Variants in FAXDC2 observed in about 807,000 individuals in gnomAD.
The protein encoded by FAXDC2 is fatty acid hydroxylase domain containing 2.
A neutral mutation model predicts 40.9 loss-of-function variants in FAXDC2; 41 were observed. The observed-to-expected ratio is 1.00, with a 90% CI of 0.78 to 1.30. FAXDC2 has a LOEUF of 1.30. Ranked by LOEUF, FAXDC2 falls within the 50% of genes most tolerant of loss-of-function variation. The pLI is 0.00. For missense variants in FAXDC2, 390 were observed against 408.8 expected (o/e 0.95, Z 0.40); for synonymous variants, 157 against 149.3 (o/e 1.05, Z -0.38).
chr5:154,845,484 G>A (rs1760576663), intron 1 of FAXDC2, among the ~76,000 whole-genome samples: 1 of 151,956 alleles, frequency 6.6e-6, no homozygotes, highest in Admixed American at 6.6e-5. Context: ...ACTGGGCATG[G>A]TGTCTCATGC....
chr5:154,823,722 G>A, intron 5 of FAXDC2, 130 bp from the exon 6 acceptor site: 2 of 707,982 alleles, frequency 2.8e-6, no homozygotes, highest in Non-Finnish European at 4.8e-6. Flanking sequence ...AGTAGCTCCT[G>A]ACTGCCACCC....
At chr5:154,832,216 GTT>G (rs1554093847) in intron 4 of FAXDC2, among the ~76,000 whole-genome samples, 1 of 134,928 alleles carries the variant, frequency 7.4e-6, no homozygotes. Context: ...ATTTACTTTT[GTT>G]TTTTTTTTTT....
At chr5:154,835,188 A>G in intron 2 of FAXDC2, 1 of 412,050 alleles carries the variant, frequency 2.4e-6, no homozygotes. Flanking sequence ...GCCTGACTCC[A>G]GAGAAACTAG....
chr5:154,839,339 A>G (rs966612777), intron 1 of FAXDC2, among the ~76,000 whole-genome samples: 2 of 151,622 alleles, frequency 1.3e-5, no homozygotes, highest in Non-Finnish European at 2.9e-5. Context: ...AAAAAAAAAA[A>G]AAAGAAAAGA....
rs1360402370 is a variant in FAXDC2 at position 154,819,078 on chromosome 5, C to T, written c.*1238G>A. The T allele has an allele frequency of 6.6e-6, 1 of 152,142 alleles. No homozygotes were observed. Among genetic ancestry groups the T allele is most frequent in the Non-Finnish European group, 1.5e-5 (1 of 68,050 alleles). The allele number at this position is 152,142 out of a possible 1,614,324, so 9.4% of individuals were successfully genotyped here. A position where few individuals can be genotyped will look rare whatever the true frequency, so the allele number is the denominator to read the frequency against. On this transcript the variant is annotated 3_prime_UTR_variant, in exon 9 of 9. Coordinates refer to ENST00000326080, the MANE Select transcript of FAXDC2 (RefSeq NM_032385.5). ...TGATAGTCCTGCCTGGAGACTTGGA[C>T]CTAGCTGATACTAAGGTATTTTATA... is the stretch of plus-strand genomic sequence containing the variant.
At chr5:154,824,513 C>T (rs1486169171) in intron 5 of FAXDC2, 1 of 702,608 alleles carries the variant, frequency 1.4e-6, no homozygotes, top group Admixed American at 2.0e-5. Flanking sequence ...TCAGAATTCA[C>T]TCTTTGTTTA....
chr5:154,821,775 G>A (rs1296727119), intron 7 of FAXDC2, among the ~76,000 whole-genome samples: 4 of 151,996 alleles, frequency 2.6e-5, no homozygotes, highest in Non-Finnish European at 5.9e-5. Context: ...GCAGGATCCC[G>A]ACTCTACAAA....
intron 5 of FAXDC2, 112 bp from the exon 6 acceptor site, chr5:154,823,704 G>A (rs6895741): frequency 0.086 from 71,887 of 837,908 alleles, 3,766 homozygotes; most frequent in Admixed American, 0.18. Context: ...AGATGTCGGG[G>A]GACAGCCAGT....
At chr5:154,823,775 T>C in intron 5 of FAXDC2, 183 bp from the exon 6 acceptor site, 1 of 592,236 alleles carries the variant, frequency 1.7e-6, no homozygotes, top group South Asian at 2.0e-5. Context: ...CCCTGGCTGC[T>C]AGGCAGGTGA....
At chr5:154,822,743 T>C (rs1461788818) in intron 6 of FAXDC2, among the ~76,000 whole-genome samples, 166 bp from the exon 7 acceptor site, 4 of 152,192 alleles carry the variant, frequency 2.6e-5, no homozygotes, top group Admixed American at 2.6e-4. Context: ...ACTGCATAGT[T>C]TGGGAGTGGG....
intron 1 of FAXDC2, among the ~76,000 whole-genome samples, chr5:154,839,487 T>A (rs1378247918): frequency 1.8e-4 from 25 of 142,294 alleles, no homozygotes; most frequent in African/African-American, 2.6e-4. Flanking sequence ...CTACAAAAAA[T>A]AAAAAAAAAA....
At chr5:154,840,892 G>T (rs1192241778) in intron 1 of FAXDC2, among the ~76,000 whole-genome samples, 3 of 152,168 alleles carry the variant, frequency 2.0e-5, no homozygotes, top group Non-Finnish European at 4.4e-5. Flanking sequence ...AAGGAAGAGA[G>T]AATGGTGACC....
chr5:154,831,493 G>A (rs1418175348), intron 4 of FAXDC2, among the ~76,000 whole-genome samples: 1 of 151,876 alleles, frequency 6.6e-6, no homozygotes, highest in African/African-American at 2.4e-5. Context: ...CTGTCATCCA[G>A]GCTGGAAGTG....
chr5:154,848,646 A>T (rs536076451), intron 1 of FAXDC2, among the ~76,000 whole-genome samples: 1 of 152,154 alleles, frequency 6.6e-6, no homozygotes, highest in Non-Finnish European at 1.5e-5. Flanking sequence ...CTTATATAGA[A>T]GATAGAGTGG....
intron 1 of FAXDC2, among the ~76,000 whole-genome samples, chr5:154,845,789 ATT>A (rs58726575): frequency 1.1e-4 from 15 of 134,552 alleles, no homozygotes; most frequent in East Asian, 2.2e-4. Flanking sequence ...TTGGACACCT[ATT>A]TTTTTTTTTT....
chr5:154,845,449 T>C (rs756357060), intron 1 of FAXDC2, among the ~76,000 whole-genome samples: 7 of 152,186 alleles, frequency 4.6e-5, no homozygotes, highest in Non-Finnish European at 8.8e-5. Context: ...TTTTGGAGTG[T>C]GCCGTCTTAA....
intron 7 of FAXDC2, among the ~76,000 whole-genome samples, chr5:154,821,715 G>A (rs900725797): frequency 7.2e-5 from 11 of 152,186 alleles, no homozygotes; most frequent in African/African-American, 2.4e-4. Context: ...GGGAGACAGA[G>A]GTGGGAGGAT....
chr5:154,830,205 A>G (rs1267445527), intron 5 of FAXDC2: 1 of 152,284 alleles, frequency 6.6e-6, no homozygotes, highest in East Asian at 1.9e-4. Flanking sequence ...AGACTCAGGG[A>G]ACAGTGGGAC....
intron 5 of FAXDC2, chr5:154,824,287 C>T (rs1759965519): frequency 3.4e-6 from 2 of 590,344 alleles, no homozygotes; most frequent in African/African-American, 1.9e-5. Context: ...TTGACCCTTC[C>T]CTTTGTCAGA....
Sources: gnomAD v4.1 joint callset for allele counts (sites outside exome capture counted in the v4.1 genomes callset) on GRCh38, gnomAD v4.1.1 for gene constraint, MANE v1.5 for transcripts, NCBI Gene and HGNC (gene_info 2026-07-23, HGNC 2026-07-21) for gene names.